The following RGS6 variants were observed in gnomAD, a reference collection of about 807,000 sequenced individuals.
RGS6 encodes regulator of G protein signaling 6.
A neutral mutation model predicts 78.5 loss-of-function variants in RGS6; 30 were observed. The observed-to-expected ratio is 0.38, with a 90% CI of 0.29 to 0.52. The LOEUF is 0.52. RGS6 is among the 20% of genes least tolerant of loss of function. The pLI is 0.85. For missense variants in RGS6, 495 were observed against 609.7 expected, an observed-to-expected ratio of 0.81 and a Z score of 1.98; for synonymous variants, 206 against 206.0, an observed-to-expected ratio of 1.00 and a Z score of 0.00.
At chr14:72,279,204 C>T (rs761491959) in intron 2 of RGS6, among the ~76,000 whole-genome samples, 4 of 151,824 alleles carry the variant, frequency 2.6e-5, no homozygotes, top group Admixed American at 1.3e-4. Flanking sequence ...AAGTGGGAAC[C>T]TGTGAGGTTG....
intron 2 of RGS6, among the ~76,000 whole-genome samples, chr14:72,229,879 G>A (rs2049106354): frequency 6.6e-6 from 1 of 152,170 alleles, no homozygotes; most frequent in African/African-American, 2.4e-5. Context: ...ATATCTCAGA[G>A]TGACACATGA....
At chr14:72,202,792 C>T (rs1372752278) in intron 2 of RGS6, among the ~76,000 whole-genome samples, 3 of 151,898 alleles carry the variant, frequency 2.0e-5, no homozygotes, top group African/African-American at 7.3e-5. Context: ...AATGTGGCTG[C>T]AATTGTCCGC....
chr14:72,001,594 G>T (rs12586984), intron 2 of RGS6, among the ~76,000 whole-genome samples: 95,125 of 151,700 alleles, frequency 0.63, 30,417 homozygotes, highest in South Asian at 0.7. Flanking sequence ...TGGAAATGAT[G>T]TTATCAGTCC....
chr14:72,530,702 T>C (rs1317281365), intron 15 of RGS6, among the ~76,000 whole-genome samples: 1 of 151,898 alleles, frequency 6.6e-6, no homozygotes, highest in Non-Finnish European at 1.5e-5. Context: ...AAAAAGAAAA[T>C]GTTAGAACAA....
At chr14:72,548,348 C>CGCGCGT (rs141987560) in intron 17 of RGS6, among the ~76,000 whole-genome samples, 5 of 129,464 alleles carry the variant, frequency 3.9e-5, no homozygotes, top group South Asian at 2.4e-4. Flanking sequence ...TGTGTGCGCG[C>CGCGCGT]GTGTGTGTGT....
intron 2 of RGS6, among the ~76,000 whole-genome samples, chr14:72,067,301 A>G (rs1013386593): frequency 6.6e-6 from 1 of 152,122 alleles, no homozygotes; most frequent in Admixed American, 6.6e-5. Flanking sequence ...TCACACACCA[A>G]GGCCTGTCGG....
intron 2 of RGS6, among the ~76,000 whole-genome samples, chr14:72,151,483 TTTAA>T (rs2096685711): frequency 6.6e-6 from 1 of 152,194 alleles, no homozygotes; most frequent in Non-Finnish European, 1.5e-5. Context: ...ACTGTGTAAT[TTTAA>T]TTGCCTTCGA....
chr14:72,351,444 G>A (rs1400649898), intron 2 of RGS6, among the ~76,000 whole-genome samples: 9 of 152,054 alleles, frequency 5.9e-5, no homozygotes, highest in Admixed American at 5.9e-4. Context: ...CTGATAGCAT[G>A]GTCTTACCAA....
intron 3 of RGS6, among the ~76,000 whole-genome samples, chr14:72,367,480 C>T (rs1276442754): frequency 6.6e-6 from 1 of 152,142 alleles, no homozygotes; most frequent in Non-Finnish European, 1.5e-5. Flanking sequence ...CCAGCCTCCT[C>T]TTGCTTCACT....
chr14:72,486,855 T>G (rs530978503), intron 12 of RGS6, among the ~76,000 whole-genome samples: 114 of 152,324 alleles, frequency 7.5e-4, no homozygotes, highest in Non-Finnish European at 1.5e-3. Flanking sequence ...CTTTCATTTC[T>G]TGTGCTGTTT....
chr14:72,153,301 T>A (rs2096720872), intron 2 of RGS6, among the ~76,000 whole-genome samples: 2 of 152,216 alleles, frequency 1.3e-5, no homozygotes, highest in South Asian at 4.1e-4. Context: ...TCGCATTATC[T>A]GGTGACCACA....
At chr14:72,175,974 C>T (rs1463605905) in intron 2 of RGS6, among the ~76,000 whole-genome samples, 1 of 152,086 alleles carries the variant, frequency 6.6e-6, no homozygotes, top group East Asian at 1.9e-4. Flanking sequence ...TACCTTGCTC[C>T]CCAAGTTCAC....
chr14:71,997,803 C>T (rs970688075), intron 2 of RGS6, among the ~76,000 whole-genome samples: 4 of 152,092 alleles, frequency 2.6e-5, no homozygotes, highest in African/African-American at 9.7e-5. Context: ...TTTTATCTCT[C>T]AGGAACTCAA....
intron 2 of RGS6, among the ~76,000 whole-genome samples, chr14:72,226,871 G>A (rs2048253864): frequency 1.3e-5 from 2 of 152,162 alleles, no homozygotes; most frequent in African/African-American, 4.8e-5. Flanking sequence ...ATTTTTAGTA[G>A]AGATGGCTTT....
intron 2 of RGS6, among the ~76,000 whole-genome samples, chr14:72,342,304 G>T (rs1596014462): frequency 6.6e-6 from 1 of 152,264 alleles, no homozygotes; most frequent in East Asian, 1.9e-4. Context: ...GGTAGCTTAT[G>T]CCTGTAATCC....
At chr14:72,337,588 G>A (rs964800525) in intron 2 of RGS6, among the ~76,000 whole-genome samples, 3 of 152,080 alleles carry the variant, frequency 2.0e-5, no homozygotes, top group Non-Finnish European at 2.9e-5. Context: ...TGAGTGGTAG[G>A]CAGCACAGCC....
intron 2 of RGS6, among the ~76,000 whole-genome samples, chr14:72,006,522 G>T (rs1384827710): frequency 1.3e-5 from 2 of 152,188 alleles, no homozygotes; most frequent in Non-Finnish European, 2.9e-5. Flanking sequence ...GGCTCATGTG[G>T]CAAGAGCTAA....
chr14:72,489,782 C>T (rs543261080), intron 12 of RGS6, among the ~76,000 whole-genome samples: 10 of 152,240 alleles, frequency 6.6e-5, no homozygotes, highest in African/African-American at 2.2e-4. Context: ...CTAGAGCCTT[C>T]GGAGGGAGGA....
At chr14:72,521,429 G>A (rs2097038256) in intron 15 of RGS6, among the ~76,000 whole-genome samples, 1 of 152,200 alleles carries the variant, frequency 6.6e-6, no homozygotes. Context: ...AGTTTTGATG[G>A]AAGAAGTGGG....
Sources: gnomAD v4.1 joint callset for allele counts (sites outside exome capture counted in the v4.1 genomes callset) on GRCh38, gnomAD v4.1.1 for gene constraint, MANE v1.5 for transcripts, NCBI Gene and HGNC (gene_info 2026-07-23, HGNC 2026-07-21) for gene names.